The following AGTR1 variants were observed in gnomAD, a reference collection of about 807,000 sequenced individuals.
AGTR1 encodes type-1 angiotensin II receptor.
AGTR1 carries 16 observed loss-of-function variants against 19.4 expected under a neutral mutation model. The ratio of observed to expected loss-of-function variants is 0.82; its 90% CI spans 0.56 to 1.25. The LOEUF (loss-of-function observed/expected upper bound fraction) is 1.25, where lower values mean the gene tolerates loss of function less well. Ranked by LOEUF, AGTR1 falls within the 50% of genes most tolerant of loss-of-function variation. AGTR1 has a pLI of 0.00. For missense variants in AGTR1, 373 were observed against 431.9 expected, an observed-to-expected ratio of 0.86 and a Z score of 1.21; for synonymous variants, 153 against 154.9, an observed-to-expected ratio of 0.99 and a Z score of 0.09.
intron 1 of AGTR1, among the ~76,000 whole-genome samples, chr3:148,703,468 C>T (rs978023369): frequency 2.0e-5 from 3 of 152,182 alleles, no homozygotes; most frequent in Admixed American, 2.0e-4. Context: ...TGGCTCTTAA[C>T]TAACGTTTTT....
intron 2 of AGTR1, among the ~76,000 whole-genome samples, chr3:148,719,464 T>C (rs1713487623): frequency 6.6e-6 from 1 of 152,230 alleles, no homozygotes; most frequent in African/African-American, 2.4e-5. Context: ...GCTAGATCTC[T>C]GTATTATATG....
Position 148,716,236 on chromosome 3 carries a change from C to T in AGTR1, c.-48+8209C>T, listed in dbSNP as rs898395485. ...TTTCCTAGTCTACCCTATCCCACAA[C>T]GGAACCATACTTCTCTCATGGAAGC... On this transcript the variant is annotated intron_variant, in intron 2 of 2. Coordinates refer to ENST00000349243, the MANE Select transcript of AGTR1 (RefSeq NM_000685.5). This position sits in a 1 kb window ranked among gnomAD's most constrained non-coding sequence, Gnocchi z 4.7. 3.9e-5 allele frequency among the ~76,000 whole-genome samples: 6 copies of T among 152,228 alleles called. No individual in the cohort carries two copies. The highest frequency in any genetic ancestry group is 7.2e-5 in the African/African-American group (3 of 41,536).
chr3:148,711,260 G>A (rs763040823), intron 2 of AGTR1, among the ~76,000 whole-genome samples: 7 of 152,046 alleles, frequency 4.6e-5, no homozygotes, highest in Admixed American at 6.6e-5. Context: ...ATACCTAGCA[G>A]TTCAATAACA....
chr3:148,721,025 AG>A (rs1486493219), intron 2 of AGTR1, among the ~76,000 whole-genome samples: 1 of 152,180 alleles, frequency 6.6e-6, no homozygotes, highest in Admixed American at 6.5e-5. Context: ...ATTTCAGATA[AG>A]CTTGTTTTTT....
At chr3:148,722,705 T>G (rs1381000571) in intron 2 of AGTR1, among the ~76,000 whole-genome samples, 1 of 152,202 alleles carries the variant, frequency 6.6e-6, no homozygotes, top group Admixed American at 6.5e-5. Flanking sequence ...ACATGGCACC[T>G]TCTGAGTCAG....
At chr3:148,714,683 G>A (rs1409934222) in intron 2 of AGTR1, among the ~76,000 whole-genome samples, 1 of 152,112 alleles carries the variant, frequency 6.6e-6, no homozygotes, top group African/African-American at 2.4e-5. Flanking sequence ...ATTTTCCCAG[G>A]AAACCAGGTG....
At chr3:148,727,545 A>G (rs1171741000) in intron 2 of AGTR1, among the ~76,000 whole-genome samples, 1 of 152,180 alleles carries the variant, frequency 6.6e-6, no homozygotes, top group Non-Finnish European at 1.5e-5. Context: ...TTGAAACCCT[A>G]ATGATGAATC....
chr3:148,710,184 AG>A (rs1278345653), intron 2 of AGTR1, among the ~76,000 whole-genome samples: 1 of 152,164 alleles, frequency 6.6e-6, no homozygotes, highest in Non-Finnish European at 1.5e-5. Flanking sequence ...CCACTTGGTA[AG>A]AAAGTTTTCT....
chr3:148,720,922 G>T (rs563987197), intron 2 of AGTR1, among the ~76,000 whole-genome samples: 1 of 152,162 alleles, frequency 6.6e-6, no homozygotes, highest in Non-Finnish European at 1.5e-5. Flanking sequence ...AAATTAAGGT[G>T]TAAATAAGAA....
intron 2 of AGTR1, among the ~76,000 whole-genome samples, chr3:148,738,530 T>G (rs1218336103): frequency 6.6e-6 from 1 of 152,192 alleles, no homozygotes; most frequent in African/African-American, 2.4e-5. Context: ...TTTATACTTC[T>G]AAGTTGGCAT....
intron 2 of AGTR1, among the ~76,000 whole-genome samples, chr3:148,729,267 A>T (rs1319967345): frequency 6.6e-6 from 1 of 152,196 alleles, no homozygotes; most frequent in Non-Finnish European, 1.5e-5. Context: ...ACAGGATGTT[A>T]AAAAAATTCT....
intron 1 of AGTR1, among the ~76,000 whole-genome samples, chr3:148,705,035 A>G (rs1460113515): frequency 1.3e-5 from 2 of 152,198 alleles, no homozygotes; most frequent in East Asian, 1.9e-4. Flanking sequence ...CCCAAAAGAT[A>G]TCTTACACAT....
chr3:148,708,842 A>G (rs1203018652), intron 2 of AGTR1, among the ~76,000 whole-genome samples: 2 of 152,240 alleles, frequency 1.3e-5, no homozygotes, highest in African/African-American at 4.8e-5. Flanking sequence ...TCCAGGGAAA[A>G]TGAAGAGTAG....
At chr3:148,739,845 C>T in intron 2 of AGTR1, 4 of 1,231,802 alleles carry the variant, frequency 3.2e-6, no homozygotes, top group Non-Finnish European at 4.0e-6. Flanking sequence ...ATCTGGGGAC[C>T]TGCTCCTGGT....
chr3:148,704,738 T>C (rs1712570203), intron 1 of AGTR1, among the ~76,000 whole-genome samples: 1 of 152,212 alleles, frequency 6.6e-6, no homozygotes, highest in African/African-American at 2.4e-5. Flanking sequence ...GAATATCTCC[T>C]GTTTTGACAG....
At chr3:148,734,165 A>G (rs1714439863) in intron 2 of AGTR1, among the ~76,000 whole-genome samples, 1 of 152,212 alleles carries the variant, frequency 6.6e-6, no homozygotes, top group Non-Finnish European at 1.5e-5. Flanking sequence ...TTAGAGTTTC[A>G]TTATTAGACA....
intron 2 of AGTR1, among the ~76,000 whole-genome samples, chr3:148,734,459 C>T (rs1370415222): frequency 6.6e-6 from 1 of 152,092 alleles, no homozygotes; most frequent in Non-Finnish European, 1.5e-5. Context: ...GGTCAGATGA[C>T]AGTGGATGAT....
intron 2 of AGTR1, among the ~76,000 whole-genome samples, chr3:148,739,015 A>C (rs1714724961): frequency 6.6e-6 from 1 of 152,206 alleles, no homozygotes; most frequent in Admixed American, 6.5e-5. Context: ...TCTCCCCACA[A>C]GCAACTGACA....
chr3:148,710,325 A>G (rs1576525803), intron 2 of AGTR1, among the ~76,000 whole-genome samples: 1 of 152,178 alleles, frequency 6.6e-6, no homozygotes, highest in Non-Finnish European at 1.5e-5. Flanking sequence ...ATTAAAATAT[A>G]TAGGATTCAA....
Sources: allele counts gnomAD v4.1 joint callset (sites outside exome capture counted in the v4.1 genomes callset), GRCh38; gene constraint gnomAD v4.1.1; non-coding constraint Gnocchi (gnomAD v3.1); transcripts MANE v1.5; gene names NCBI Gene and HGNC (gene_info 2026-07-23, HGNC 2026-07-21).